The following NKX2-2 variants were observed in gnomAD, a reference collection of about 807,000 sequenced individuals.
The protein encoded by NKX2-2 is NK2 homeobox 2.
A neutral mutation model predicts 24.6 loss-of-function variants in NKX2-2; 8 were observed. That is an observed-to-expected ratio of 0.32 (90% CI 0.19 to 0.59). The LOEUF (loss-of-function observed/expected upper bound fraction) is 0.59. Ranked by LOEUF, NKX2-2 falls within the 20% of genes least tolerant of loss-of-function variation. The pLI is 0.86. For missense variants in NKX2-2, 381 were observed against 373.9 expected, an observed-to-expected ratio of 1.02 and a Z score of -0.16; for synonymous variants, 217 against 173.3, an observed-to-expected ratio of 1.25 and a Z score of -1.98.
chr20:21,521,412 C>T, the NKX2-2 span, among the ~76,000 whole-genome samples: 1 of 152,146 alleles, frequency 6.6e-6, no homozygotes, highest in Non-Finnish European at 1.5e-5. Flanking sequence ...GAGAACTGTC[C>T]GGCGCCGGGC....
upstream of NKX2-2, among the ~76,000 whole-genome samples, chr20:21,514,629 T>G (rs530825928): frequency 6.6e-6 from 1 of 151,824 alleles, no homozygotes; most frequent in South Asian, 2.1e-4. Flanking sequence ...GCCGGAAAAT[T>G]GGCGATTTGT....
At chr20:21,514,249 G>A (rs954365906), upstream of NKX2-2, among the ~76,000 whole-genome samples, 1 of 152,122 alleles carries the variant, frequency 6.6e-6, no homozygotes, top group Non-Finnish European at 1.5e-5. Context: ...GGTTGGCCAC[G>A]TGTGGGCGGG....
upstream of NKX2-2, among the ~76,000 whole-genome samples, chr20:21,517,161 C>T (rs1377241791): frequency 1.3e-5 from 2 of 152,206 alleles, no homozygotes; most frequent in South Asian, 2.1e-4. Flanking sequence ...GCGCCTGCCC[C>T]TTAGCCTCAA....
chr20:21,517,689 T>C (rs1194410809), upstream of NKX2-2, among the ~76,000 whole-genome samples: 2 of 152,178 alleles, frequency 1.3e-5, no homozygotes, highest in Non-Finnish European at 2.9e-5. Context: ...GTCTCCTCAA[T>C]TTCTTGGGCC....
At chr20:21,521,995 C>A in the NKX2-2 span, among the ~76,000 whole-genome samples, 12 of 152,236 alleles carry the variant, frequency 7.9e-5, no homozygotes, top group South Asian at 4.1e-4. Flanking sequence ...CCTCCTCCTC[C>A]GCCTCCCAGC....
rs1223388279 is a variant in NKX2-2, at chr20:21,513,027, GT to G, written c.259+383del. On this transcript the variant is annotated intron_variant, in intron 1 of 1. Coordinates refer to ENST00000377142, the MANE Select transcript of NKX2-2 (RefSeq NM_002509.4). This position sits in a 1 kb window ranked among gnomAD's most constrained non-coding sequence, Gnocchi z 4.6. ...CCCGAAGCCTCCCCACCCTCCACCC[GT>G]ACCCGGACGAGGCTCGCTGGCTACC... Among the ~76,000 whole-genome samples the G allele has an allele frequency of 6.6e-6, 1 of 152,110 alleles. No homozygotes were observed. The highest frequency in any genetic ancestry group is 1.5e-5 in the Non-Finnish European group (1 of 68,018).
upstream of NKX2-2, among the ~76,000 whole-genome samples, chr20:21,515,029 T>A (rs1007941760): frequency 6.8e-6 from 1 of 145,996 alleles, no homozygotes; most frequent in Non-Finnish European, 1.5e-5. Context: ...CGCAGTTCAC[T>A]TTCTGCTTTG....
At position 21,513,393 on chromosome 20, in the gene NKX2-2, C is replaced by T. The variant is rs777513448; in HGVS notation, c.259+18G>A. On this transcript the variant is annotated intron_variant, in intron 1 of 1. Coordinates refer to ENST00000377142, the MANE Select transcript of NKX2-2 (RefSeq NM_002509.4). The surrounding 1 kb of genome is among the most constrained non-coding windows in gnomAD (Gnocchi z 4.6). Reference sequence around the variant, plus strand: ...ATGGAGGGGACCACGGCCTCGGCAGCCAAGTTTTGCTACTTACGGGAGTAC... The same window carrying T: ...ATGGAGGGGACCACGGCCTCGGCAGTCAAGTTTTGCTACTTACGGGAGTAC... The T allele has an allele frequency of 6.6e-7, 1 of 1,513,148 alleles. No individual in the cohort carries two copies. The highest frequency in any genetic ancestry group is 1.3e-5 in the South Asian group (1 of 75,010). 93.7% of individuals were successfully genotyped at this position (1,513,148 alleles called of 1,614,324 possible).
chr20:21,519,352 G>A, the NKX2-2 span, among the ~76,000 whole-genome samples: 195 of 152,330 alleles, frequency 1.3e-3, 1 homozygote, highest in African/African-American at 4.3e-3. Context: ...CAAGGTGCAA[G>A]CGTTTGTCTT....
At chr20:21,520,426 G>A in the NKX2-2 span, among the ~76,000 whole-genome samples, 1 of 152,216 alleles carries the variant, frequency 6.6e-6, no homozygotes, top group Non-Finnish European at 1.5e-5. Flanking sequence ...ATTAGTATTT[G>A]TCTTTCTATT....
At chr20:21,518,411 A>G (rs1980693230), upstream of NKX2-2, among the ~76,000 whole-genome samples, 1 of 152,202 alleles carries the variant, frequency 6.6e-6, no homozygotes, top group Non-Finnish European at 1.5e-5. Context: ...GGGGAGGAAG[A>G]GAACCTGTGC....
At chr20:21,522,107 C>A in the NKX2-2 span, among the ~76,000 whole-genome samples, 1 of 152,242 alleles carries the variant, frequency 6.6e-6, no homozygotes, top group Non-Finnish European at 1.5e-5. Context: ...TAAAACTTTT[C>A]CTGACTGCAG....
chr20:21,518,363 C>G (rs1472367482), upstream of NKX2-2, among the ~76,000 whole-genome samples: 1 of 152,092 alleles, frequency 6.6e-6, no homozygotes, highest in Non-Finnish European at 1.5e-5. Flanking sequence ...TGAGAACGGA[C>G]GCATTGGGAG....
the NKX2-2 span, among the ~76,000 whole-genome samples, chr20:21,521,976 G>A: frequency 6.6e-6 from 1 of 152,168 alleles, no homozygotes; most frequent in Non-Finnish European, 1.5e-5. Flanking sequence ...CGCGGGTGCC[G>A]CGCCCCTCCC....
chr20:21,515,202 G>A (rs1291560678), upstream of NKX2-2, among the ~76,000 whole-genome samples: 8 of 151,572 alleles, frequency 5.3e-5, no homozygotes, highest in Admixed American at 5.2e-4. Flanking sequence ...CTCCCTCTCC[G>A]GCCCCCTCCC....
At chr20:21,518,765 A>T (rs576273096), upstream of NKX2-2, among the ~76,000 whole-genome samples, 1 of 152,312 alleles carries the variant, frequency 6.6e-6, no homozygotes, top group Non-Finnish European at 1.5e-5. Context: ...TCTAAACAAC[A>T]GCAAACCAGG....
chr20:21,515,833 G>T (rs992505699), upstream of NKX2-2, among the ~76,000 whole-genome samples: 4 of 152,170 alleles, frequency 2.6e-5, no homozygotes, highest in Non-Finnish European at 5.9e-5. Flanking sequence ...CTGCCCCCGG[G>T]TTGCCAGCGC....
rs202199536 is a variant in NKX2-2, at chr20:21,511,067, A to G, written c.*856T>C. On this transcript the variant is annotated 3_prime_UTR_variant, in exon 2 of 2. Transcript: ENST00000377142. ...TTTTATTAAAATTCTTATTTAAAAA[A>G]TCGAAAGCTTTCTGCGCCCGGCGCT... The G allele has an allele frequency of 1.7e-4, 26 of 152,688 alleles. 1 individual carries two copies. The East Asian group carries it at 5.0e-3, about 29-fold the overall frequency. 9.5% of individuals were successfully genotyped at this position (152,688 alleles called of 1,614,324 possible).
chr20:21,517,100 G>T (rs548349165), upstream of NKX2-2, among the ~76,000 whole-genome samples: 2 of 152,310 alleles, frequency 1.3e-5, no homozygotes, highest in South Asian at 2.1e-4. Context: ...TGCCATAGGC[G>T]CCTAGAGAAG....
Sources: allele counts gnomAD v4.1 joint callset (sites outside exome capture counted in the v4.1 genomes callset), GRCh38; gene constraint gnomAD v4.1.1; non-coding constraint Gnocchi (gnomAD v3.1); transcripts MANE v1.5; gene names NCBI Gene and HGNC (gene_info 2026-07-23, HGNC 2026-07-21).